C8orf34: variants seen among roughly 807,000 people sequenced by gnomAD.
The protein encoded by C8orf34 is chromosome 8 open reading frame 34, also known as uncharacterized protein C8orf34.
C8orf34 carries 65 observed loss-of-function variants against 68.3 expected under a neutral mutation model. The observed-to-expected ratio is 0.95, with a 90% CI of 0.78 to 1.17. The LOEUF (loss-of-function observed/expected upper bound fraction) is 1.17. Ranked by LOEUF, C8orf34 falls within the 50% of genes most tolerant of loss-of-function variation. The pLI is 0.00. For missense variants in C8orf34, 664 were observed against 655.4 expected, an observed-to-expected ratio of 1.01 and a Z score of -0.14; for synonymous variants, 244 against 241.2, an observed-to-expected ratio of 1.01 and a Z score of -0.11.
chr8:68,382,541 A>G (rs907525050), intron 1 of C8orf34, among the ~76,000 whole-genome samples: 11 of 152,220 alleles, frequency 7.2e-5, no homozygotes, highest in African/African-American at 2.4e-4. Flanking sequence ...TGCTGGACCA[A>G]TGGGCCTTAG....
chr8:68,614,527 C>A (rs1358184833), intron 7 of C8orf34, among the ~76,000 whole-genome samples: 1 of 152,134 alleles, frequency 6.6e-6, no homozygotes, highest in East Asian at 1.9e-4. Flanking sequence ...GTTTTCCCAG[C>A]ACATTTATTA....
intron 8 of C8orf34, among the ~76,000 whole-genome samples, chr8:68,647,109 A>G (rs970180208): frequency 6.6e-6 from 1 of 152,186 alleles, no homozygotes; most frequent in Non-Finnish European, 1.5e-5. Context: ...AAAGCAAAGA[A>G]CCCAATTTAA....
intron 7 of C8orf34, among the ~76,000 whole-genome samples, chr8:68,614,240 G>A (rs1586452741): frequency 6.6e-6 from 1 of 152,042 alleles, no homozygotes; most frequent in Admixed American, 6.5e-5. Context: ...TTTGTAGGTT[G>A]CCTGTTCACT....
chr8:68,530,905 A>AT (rs1251644242), intron 6 of C8orf34, among the ~76,000 whole-genome samples: 2 of 152,036 alleles, frequency 1.3e-5, no homozygotes, highest in Non-Finnish European at 2.9e-5. Flanking sequence ...ATTTGTTCTT[A>AT]TTTTTTCCCT....
At chr8:68,603,518 C>T (rs1016565325) in intron 7 of C8orf34, among the ~76,000 whole-genome samples, 2 of 94,856 alleles carry the variant, frequency 2.1e-5, no homozygotes, top group Admixed American at 1.0e-4. Flanking sequence ...TGTATATATA[C>T]ATATATCTAT....
chr8:68,516,518 G>T (rs1214663015), intron 5 of C8orf34, among the ~76,000 whole-genome samples: 3 of 152,194 alleles, frequency 2.0e-5, no homozygotes, highest in Non-Finnish European at 4.4e-5. Flanking sequence ...CTTGGAGAGA[G>T]AGCCTAGGAC....
At chr8:68,676,066 G>A (rs115507124) in intron 8 of C8orf34, among the ~76,000 whole-genome samples, 4 of 152,124 alleles carry the variant, frequency 2.6e-5, no homozygotes, top group South Asian at 4.2e-4. Context: ...CTGGCATGGC[G>A]GAGCATGCAT....
intron 10 of C8orf34, among the ~76,000 whole-genome samples, chr8:68,764,031 G>A (rs1254862423): frequency 7.2e-5 from 11 of 152,178 alleles, no homozygotes; most frequent in Non-Finnish European, 1.6e-4. Context: ...TCTTTCCTCA[G>A]TCCATCATTC....
chr8:68,668,461 TG>T (rs534706014), intron 8 of C8orf34, among the ~76,000 whole-genome samples: 7 of 152,142 alleles, frequency 4.6e-5, no homozygotes, highest in African/African-American at 7.2e-5. Flanking sequence ...GAAGGGACAC[TG>T]GGACAACTGA....
chr8:68,814,979 G>T (rs1824766469), intron 12 of C8orf34, among the ~76,000 whole-genome samples: 1 of 152,128 alleles, frequency 6.6e-6, no homozygotes, highest in Admixed American at 6.6e-5. Context: ...TCAAAAATCA[G>T]ATATAGTATG....
At chr8:68,600,996 A>G (rs970570755) in intron 7 of C8orf34, among the ~76,000 whole-genome samples, 2 of 152,170 alleles carry the variant, frequency 1.3e-5, no homozygotes, top group East Asian at 3.9e-4. Context: ...GCTCCCACAT[A>G]TAAGTGAAAA....
chr8:68,739,270 T>G (rs1355275730), intron 10 of C8orf34, among the ~76,000 whole-genome samples: 1 of 152,074 alleles, frequency 6.6e-6, no homozygotes, highest in African/African-American at 2.4e-5. Flanking sequence ...CTCAATAACC[T>G]AGGTTTGGAA....
intron 1 of C8orf34, among the ~76,000 whole-genome samples, chr8:68,405,302 A>G (rs1867633): frequency 0.092 from 13,955 of 152,156 alleles, 1,393 homozygotes; most frequent in African/African-American, 0.25. Context: ...AGATATTAGA[A>G]GCCACCTCAA....
chr8:68,679,779 A>T (rs1820310828), intron 8 of C8orf34, among the ~76,000 whole-genome samples: 1 of 152,206 alleles, frequency 6.6e-6, no homozygotes, highest in Non-Finnish European at 1.5e-5. Context: ...AAATTCATAC[A>T]TTTAAAGTGA....
chr8:68,663,056 CTCTT>C (rs1819729535), intron 8 of C8orf34, among the ~76,000 whole-genome samples: 1 of 152,188 alleles, frequency 6.6e-6, no homozygotes, highest in African/African-American at 2.4e-5. Flanking sequence ...GAGGGTCTCT[CTCTT>C]TTTCTTGCTC....
At chr8:68,476,537 A>G (rs1370031708) in intron 4 of C8orf34, among the ~76,000 whole-genome samples, 2 of 152,190 alleles carry the variant, frequency 1.3e-5, no homozygotes, top group East Asian at 3.9e-4. Context: ...TATTGCTGAT[A>G]CCAGTTTGCA....
At chr8:68,687,495 A>C (rs1282542422) in intron 8 of C8orf34, among the ~76,000 whole-genome samples, 2 of 152,128 alleles carry the variant, frequency 1.3e-5, no homozygotes, top group African/African-American at 2.4e-5. Flanking sequence ...CAAAGCATAC[A>C]AAACCATAAA....
chr8:68,633,806 G>A (rs1818760217), intron 7 of C8orf34, among the ~76,000 whole-genome samples: 1 of 150,888 alleles, frequency 6.6e-6, no homozygotes. Context: ...GAAAAAAGAA[G>A]GAAGAAAAGA....
intron 5 of C8orf34, among the ~76,000 whole-genome samples, chr8:68,501,191 C>T (rs73266545): frequency 0.017 from 2,602 of 152,254 alleles, 80 homozygotes; most frequent in African/African-American, 0.058. Context: ...AAGCTGAAAT[C>T]TATTCTAACA....
Sources: allele counts gnomAD v4.1 joint callset (sites outside exome capture counted in the v4.1 genomes callset), GRCh38; gene constraint gnomAD v4.1.1; transcripts MANE v1.5; gene names NCBI Gene and HGNC (gene_info 2026-07-23, HGNC 2026-07-21).